CUL2: variants seen among roughly 807,000 people sequenced by gnomAD.
CUL2 encodes the protein cullin-2.
In CUL2, 22 loss-of-function variants were observed where a neutral mutation model predicts 110.2. That is an observed-to-expected ratio of 0.20 (90% CI 0.14 to 0.28). The LOEUF (loss-of-function observed/expected upper bound fraction) is 0.28. Among genes scored for constraint, CUL2 ranks in the 10% least tolerant of loss-of-function variants. The pLI, the probability that CUL2 is intolerant of heterozygous loss-of-function variation, is 1.00. For missense variants in CUL2, 631 were observed against 905.5 expected (o/e 0.70, Z 3.89); for synonymous variants, 279 against 293.2 (o/e 0.95, Z 0.49).
At chr10:35,015,193 T>C (rs895364074) in intron 18 of CUL2, among the ~76,000 whole-genome samples, 1 of 150,710 alleles carries the variant, frequency 6.6e-6, no homozygotes, top group Non-Finnish European at 1.5e-5. Flanking sequence ...CTCAGGAGGC[T>C]GAGACAGGAG....
In CUL2 at chr10:35,117,180, T is replaced by C. The variant is rs112247988; in HGVS notation, c.-51+9425A>G. ...CAGGAAGAGAAGGGCACTAGCTTAC[T>C]TGGGACAGACACAACCAGATACTGG... On this transcript the variant is annotated intron_variant, in intron 1 of 5. Transcript: ENST00000685421. Among the ~76,000 whole-genome samples, 5 of 152,296 alleles carry C rather than the reference T, an allele frequency of 3.3e-5. 1 individual carries two copies. The highest frequency in any genetic ancestry group is 1.2e-4 in the African/African-American group (5 of 41,560).
chr10:35,024,764 T>C (rs944185767), intron 17 of CUL2, among the ~76,000 whole-genome samples: 12 of 152,202 alleles, frequency 7.9e-5, no homozygotes, highest in Non-Finnish European at 1.5e-4. Flanking sequence ...GGTCTCCTTA[T>C]GATGCTATAA....
chr10:35,030,844 A>T (rs1371628261), intron 14 of CUL2, among the ~76,000 whole-genome samples: 2 of 152,036 alleles, frequency 1.3e-5, no homozygotes, highest in Non-Finnish European at 2.9e-5. Flanking sequence ...CCTGGGCAAC[A>T]TAGTGAGACC....
intron 1 of CUL2, among the ~76,000 whole-genome samples, chr10:35,083,919 T>C (rs1164480047): frequency 6.6e-6 from 1 of 152,158 alleles, no homozygotes. Flanking sequence ...AAAAGCAACC[T>C]ACAATAGAGA....
intron 12 of CUL2, among the ~76,000 whole-genome samples, chr10:35,032,080 A>G (rs1188591650): frequency 1.3e-5 from 2 of 152,338 alleles, no homozygotes; most frequent in African/African-American, 4.8e-5. Context: ...ACATTGAACA[A>G]GTACTTTAAA....
intron 1 of CUL2, among the ~76,000 whole-genome samples, chr10:35,110,566 AAAAAT>A (rs757738743): frequency 1.3e-5 from 2 of 152,170 alleles, no homozygotes; most frequent in South Asian, 2.1e-4. Context: ...CCTTGTCTAA[AAAAAT>A]AAAATAAAAT....
At chr10:35,024,623 A>C (rs1314279742) in intron 17 of CUL2, among the ~76,000 whole-genome samples, 1 of 152,240 alleles carries the variant, frequency 6.6e-6, no homozygotes, top group African/African-American at 2.4e-5. Flanking sequence ...TGTTCCAGAA[A>C]GAAGCAAAGG....
chr10:35,094,389 C>T (rs1330577862), upstream of CUL2, among the ~76,000 whole-genome samples: 1 of 152,180 alleles, frequency 6.6e-6, no homozygotes, highest in African/African-American at 2.4e-5. Context: ...GCACGTGCCA[C>T]CACGCCCAGC....
chr10:35,112,832 C>T (rs1395628017), intron 1 of CUL2, among the ~76,000 whole-genome samples: 1 of 152,126 alleles, frequency 6.6e-6, no homozygotes, highest in South Asian at 2.1e-4. Flanking sequence ...TCTTTACTTA[C>T]ACCAATAATC....
At chr10:35,061,397 C>T (rs1019671021) in intron 3 of CUL2, among the ~76,000 whole-genome samples, 6 of 150,150 alleles carry the variant, frequency 4.0e-5, no homozygotes, top group African/African-American at 1.5e-4. Context: ...ATCACTTGAA[C>T]CCGATCGCAC....
At chr10:35,089,821 C>A (rs558324312) in intron 1 of CUL2, 2 of 144,160 alleles carry the variant, frequency 1.4e-5, no homozygotes, top group Admixed American at 6.8e-5. Flanking sequence ...CCCCCCCCCA[C>A]ACACACACAC....
intron 16 of CUL2, among the ~76,000 whole-genome samples, chr10:35,028,406 T>G (rs1436026077): frequency 6.6e-6 from 1 of 152,186 alleles, no homozygotes; most frequent in Non-Finnish European, 1.5e-5. Flanking sequence ...TATATTTACC[T>G]ACATTACAGG....
intron 1 of CUL2, among the ~76,000 whole-genome samples, chr10:35,106,659 G>A (rs926869227): frequency 2.0e-5 from 3 of 151,982 alleles, no homozygotes; most frequent in African/African-American, 7.3e-5. Flanking sequence ...AAGCCACCCA[G>A]TCTATGGCAT....
chr10:35,018,726 G>A (rs2085109045), intron 17 of CUL2, among the ~76,000 whole-genome samples: 1 of 134,228 alleles, frequency 7.5e-6, no homozygotes. Flanking sequence ...TCGCGCCATT[G>A]CACTCCAGCC....
intron 1 of CUL2, among the ~76,000 whole-genome samples, chr10:35,089,281 T>C (rs1039705354): frequency 6.6e-6 from 1 of 152,244 alleles, no homozygotes; most frequent in Admixed American, 6.5e-5. Flanking sequence ...CATTTGTTCA[T>C]GTGTCTGTCT....
At chr10:35,037,248 C>A (rs2085645640) in intron 9 of CUL2, among the ~76,000 whole-genome samples, 1 of 152,148 alleles carries the variant, frequency 6.6e-6, no homozygotes, top group Non-Finnish European at 1.5e-5. Context: ...AAATGGATAT[C>A]CAATTGACTG....
chr10:35,076,157 A>G (rs780552017), intron 1 of CUL2, among the ~76,000 whole-genome samples: 1 of 152,186 alleles, frequency 6.6e-6, no homozygotes, highest in Non-Finnish European at 1.5e-5. Context: ...CTACTAAGTG[A>G]ATGAAGAGGG....
In CUL2 at chr10:35,038,921, AT is replaced by A. The variant is rs748548689; in HGVS notation, c.875del (p.Asn292MetfsTer20). 28 of 1,580,316 alleles carry A rather than the reference AT, an allele frequency of 1.8e-5. No homozygotes were observed. The highest frequency in any genetic ancestry group is 5.4e-5 in the Admixed American group (3 of 55,478). Reference protein sequence around the residue: ...CHNIIRQEKKNDMANMYVLLR... With the variant: ...CHNIIRQEKKXDMANMYVLLR... ...CTACTCATGTTTGGTGTCACTTACC[AT>A]TTTTTTTCTCTTGTCGAATTATATT... On this transcript the variant is annotated frameshift_variant and splice_region_variant, in exon 9 of 21. Transcript: ENST00000374749. LOFTEE classifies it high-confidence loss of function.
chr10:35,016,482 AG>A (rs2085036709), intron 17 of CUL2, 88 bp from the exon 18 acceptor site: 2 of 998,540 alleles, frequency 2.0e-6, no homozygotes, highest in Non-Finnish European at 2.9e-6. Context: ...CTTCGGAAAG[AG>A]TGAACCAATA....
Sources: gnomAD v4.1 joint callset for allele counts (sites outside exome capture counted in the v4.1 genomes callset) on GRCh38, gnomAD v4.1.1 for gene constraint, MANE v1.5 for transcripts, NCBI Gene and HGNC (gene_info 2026-07-23, HGNC 2026-07-21) for gene names.